MAGI1: variants seen among roughly 807,000 people sequenced by gnomAD.
MAGI1 encodes membrane-associated guanylate kinase, WW and PDZ domain-containing protein 1.
A neutral mutation model predicts 139.9 loss-of-function variants in MAGI1; 58 were observed. The ratio of observed to expected loss-of-function variants is 0.41; its 90% CI spans 0.34 to 0.52. The LOEUF is 0.52. MAGI1 is among the 20% of genes least tolerant of loss of function. The pLI is 0.12. For missense variants in MAGI1, 1,874 were observed against 1,901.6 expected (o/e 0.99, Z 0.27); for synonymous variants, 812 against 737.9 (o/e 1.10, Z -1.63).
At chr3:65,962,297 A>T (rs2064477911) in intron 1 of MAGI1, among the ~76,000 whole-genome samples, 2 of 150,284 alleles carry the variant, frequency 1.3e-5, no homozygotes, top group Admixed American at 6.6e-5. Context: ...TTTTTTTTGT[A>T]TTTTTAGTAG....
intron 10 of MAGI1, among the ~76,000 whole-genome samples, chr3:65,434,005 A>T (rs1265896616): frequency 6.6e-6 from 1 of 152,174 alleles, no homozygotes; most frequent in Non-Finnish European, 1.5e-5. Flanking sequence ...AATTCATTTA[A>T]ATTTAAATGG....
At chr3:65,917,926 T>TG (rs1217605227) in intron 1 of MAGI1, among the ~76,000 whole-genome samples, 2 of 152,170 alleles carry the variant, frequency 1.3e-5, no homozygotes, top group African/African-American at 4.8e-5. Context: ...CTAAGGTCTT[T>TG]GGGTGATAAT....
intron 1 of MAGI1, among the ~76,000 whole-genome samples, chr3:65,659,019 CCAA>C (rs755850734): frequency 2.0e-5 from 3 of 152,238 alleles, no homozygotes; most frequent in African/African-American, 4.8e-5. Flanking sequence ...ACGATAAATG[CCAA>C]CAACAGCCAG....
chr3:65,787,892 C>T (rs17073798), intron 1 of MAGI1, among the ~76,000 whole-genome samples: 69,410 of 151,770 alleles, frequency 0.46, 15,998 homozygotes, highest in Admixed American at 0.58. Context: ...AGAGAGAGCT[C>T]AGGATGGTTG....
intron 5 of MAGI1, among the ~76,000 whole-genome samples, chr3:65,466,578 C>T (rs1209204063): frequency 1.3e-5 from 2 of 152,114 alleles, no homozygotes; most frequent in Non-Finnish European, 2.9e-5. Context: ...CCAAGCTGGC[C>T]TCTCTGACTC....
In MAGI1 at chr3:65,654,614, TGAGTA is replaced by T. The variant is rs1162278897; in HGVS notation, c.314-32531_314-32527del. On this transcript the variant is annotated intron_variant, in intron 1 of 22. Transcript: ENST00000402939. ...TCTCTTTCTGTGTGCTAGTGACATA[TGAGTA>T]ATGACTTTTTTTTTTTACATTGAAG... 3.9e-5 allele frequency among the ~76,000 whole-genome samples: 6 copies of T among 152,326 alleles called. No individual in the cohort carries two copies. The East Asian group carries it at 1.2e-3, about 29-fold the overall frequency.
intron 2 of MAGI1, among the ~76,000 whole-genome samples, chr3:65,588,808 AT>A (rs1329570407): frequency 1.3e-5 from 2 of 152,196 alleles, no homozygotes; most frequent in Admixed American, 6.5e-5. Context: ...ATAAATTTTT[AT>A]TGAACGAATG....
chr3:65,797,301 T>C (rs539208468), intron 1 of MAGI1, among the ~76,000 whole-genome samples: 1 of 152,268 alleles, frequency 6.6e-6, no homozygotes, highest in Admixed American at 6.5e-5. Flanking sequence ...AAGGAAGCTT[T>C]AATAGGGGCA....
chr3:65,445,705 C>T (rs1271899424), intron 7 of MAGI1, among the ~76,000 whole-genome samples: 9 of 152,094 alleles, frequency 5.9e-5, no homozygotes, highest in Non-Finnish European at 1.0e-4. Flanking sequence ...CTGCAGAGGA[C>T]GTGATAAATT....
chr3:65,648,035 T>G (rs916189590), intron 1 of MAGI1, among the ~76,000 whole-genome samples: 1 of 152,192 alleles, frequency 6.6e-6, no homozygotes, highest in African/African-American at 2.4e-5. Context: ...AATATCATGA[T>G]TATCTACATA....
chr3:65,633,233 C>T (rs547978557), intron 1 of MAGI1, among the ~76,000 whole-genome samples: 2 of 152,244 alleles, frequency 1.3e-5, no homozygotes, highest in South Asian at 4.1e-4. Context: ...GTGCGGCTGA[C>T]AATAACAGGC....
chr3:65,774,330 A>C (rs542103375), intron 1 of MAGI1, among the ~76,000 whole-genome samples: 1 of 152,266 alleles, frequency 6.6e-6, no homozygotes, highest in Non-Finnish European at 1.5e-5. Context: ...TGTTGTCTCC[A>C]CCATCTTCCT....
At chr3:65,862,049 T>G (rs546176054) in intron 1 of MAGI1, among the ~76,000 whole-genome samples, 1 of 152,148 alleles carries the variant, frequency 6.6e-6, no homozygotes, top group African/African-American at 2.4e-5. Flanking sequence ...CTTCAATTCT[T>G]CTCTTTGCAC....
intron 1 of MAGI1, among the ~76,000 whole-genome samples, chr3:65,698,203 C>T (rs1332786047): frequency 8.3e-6 from 1 of 120,168 alleles, no homozygotes; most frequent in Admixed American, 7.6e-5. Flanking sequence ...GAACTACAAA[C>T]TGCTGCTCAA....
chr3:65,531,326 G>A (rs370275069), intron 2 of MAGI1, among the ~76,000 whole-genome samples: 30 of 152,170 alleles, frequency 2.0e-4, no homozygotes, highest in African/African-American at 7.2e-4. Context: ...TCTCCACTTA[G>A]ACCCGTAAGA....
At chr3:65,932,262 T>C (rs567726982) in intron 1 of MAGI1, among the ~76,000 whole-genome samples, 4 of 152,356 alleles carry the variant, frequency 2.6e-5, no homozygotes, top group African/African-American at 9.6e-5. Context: ...CTATGGATTA[T>C]GTTCTTTTCA....
At chr3:65,890,143 T>C (rs1238472816) in intron 1 of MAGI1, among the ~76,000 whole-genome samples, 3 of 151,814 alleles carry the variant, frequency 2.0e-5, no homozygotes, top group Admixed American at 2.0e-4. Context: ...AGTGGACGGA[T>C]CACGAGGTCA....
chr3:65,447,757 C>G (rs1948764669), intron 7 of MAGI1, among the ~76,000 whole-genome samples: 1 of 152,176 alleles, frequency 6.6e-6, no homozygotes, highest in Non-Finnish European at 1.5e-5. Flanking sequence ...ACAAGACTAC[C>G]CATTACCAAT....
intron 1 of MAGI1, among the ~76,000 whole-genome samples, chr3:65,750,218 C>A (rs2036032196): frequency 6.6e-6 from 1 of 152,154 alleles, no homozygotes; most frequent in African/African-American, 2.4e-5. Context: ...TAATTCTGGT[C>A]ACTGTGCTGA....
Sources: gnomAD v4.1 joint callset for allele counts (sites outside exome capture counted in the v4.1 genomes callset) on GRCh38, gnomAD v4.1.1 for gene constraint, MANE v1.5 for transcripts, NCBI Gene and HGNC (gene_info 2026-07-23, HGNC 2026-07-21) for gene names.